Variants in WAC observed in about 807,000 individuals in gnomAD.
WAC encodes WW domain-containing adapter protein with coiled-coil.
Under a neutral mutation model 79.6 loss-of-function variants are expected in WAC, and 11 were observed. That is an observed-to-expected ratio of 0.14 (90% CI 0.09 to 0.23). The LOEUF is 0.23. WAC is among the 10% of genes least tolerant of loss of function. The probability of loss-of-function intolerance (pLI) is 1.00; values close to 1 mark genes in which losing one functional copy is unlikely to be tolerated. For synonymous variants in WAC, 304 were observed against 276.9 expected, an observed-to-expected ratio of 1.10 and a Z score of -0.97; for missense variants, 728 against 773.5, an observed-to-expected ratio of 0.94 and a Z score of 0.70.
chr10:28,538,581 C>CA (rs34777121), intron 3 of WAC, among the ~76,000 whole-genome samples: 22,589 of 98,104 alleles, frequency 0.23, 2,548 homozygotes, highest in Non-Finnish European at 0.28. Flanking sequence ...GACCCTGTCT[C>CA]AAAAAAAAAA....
chr10:28,532,939 G>A (rs1426223515), upstream of WAC: 1 of 153,204 alleles, frequency 6.5e-6, no homozygotes, highest in East Asian at 1.9e-4. Flanking sequence ...GGAAAAGAAG[G>A]AAAGGGCAGA....
chr10:28,613,140 G>A (rs1646108856), intron 10 of WAC, among the ~76,000 whole-genome samples: 1 of 152,176 alleles, frequency 6.6e-6, no homozygotes, highest in Non-Finnish European at 1.5e-5. Context: ...GGCCGAGGCA[G>A]GCAGATCACT....
chr10:28,589,933 AT>A, intron 5 of WAC, 82 bp downstream of exon 5: 1 of 1,077,582 alleles, frequency 9.3e-7, no homozygotes, highest in South Asian at 1.4e-5. Flanking sequence ...AAACATTCTA[AT>A]TTAGCTTTTT....
At chr10:28,571,312 G>A (rs1404599349) in intron 3 of WAC, among the ~76,000 whole-genome samples, 1 of 152,170 alleles carries the variant, frequency 6.6e-6, no homozygotes, top group Non-Finnish European at 1.5e-5. Context: ...AAAGTGAAAA[G>A]TAAATAATTT....
intron 3 of WAC, chr10:28,538,311 A>C: frequency 3.0e-6 from 1 of 334,286 alleles, no homozygotes; most frequent in South Asian, 2.2e-5. Context: ...AGGCCGGGTC[A>C]GTGGCTCACG....
chr10:28,535,541 T>G lies in WAC; in HGVS notation c.79-21T>G, dbSNP rs886741343. ...GGTTTCAATTCTTTCTCTCTTTTTTTGGGGGGGTGATGTTTTACAGGCACT... is the reference window on the plus strand; with the variant it reads ...GGTTTCAATTCTTTCTCTCTTTTTTGGGGGGGGTGATGTTTTACAGGCACT... On this transcript the variant is annotated intron_variant, in intron 2 of 13. Coordinates refer to ENST00000354911, the MANE Select transcript of WAC (RefSeq NM_016628.5). 34 of 1,530,242 alleles carry G rather than the reference T, an allele frequency of 2.2e-5. No homozygotes were observed. The highest frequency in any genetic ancestry group is 1.4e-4 in the African/African-American group (10 of 71,798). 94.8% of individuals were successfully genotyped at this position (1,530,242 alleles called of 1,614,324 possible).
intron 3 of WAC, among the ~76,000 whole-genome samples, chr10:28,540,598 T>C (rs1222439053): frequency 6.6e-6 from 1 of 152,222 alleles, no homozygotes; most frequent in African/African-American, 2.4e-5. Context: ...TCCCTCATAT[T>C]TAAAGACTTG....
At chr10:28,610,948 T>C in intron 9 of WAC, 127 bp downstream of exon 9, 1 of 1,133,290 alleles carries the variant, frequency 8.8e-7, no homozygotes. Context: ...TTAGCTACAA[T>C]AATTTTGTTT....
intron 3 of WAC, among the ~76,000 whole-genome samples, chr10:28,578,749 C>T (rs975620378): frequency 6.6e-6 from 1 of 151,982 alleles, no homozygotes; most frequent in Non-Finnish European, 1.5e-5. Flanking sequence ...TCCTTCTCAC[C>T]CTTAAATTTT....
At chr10:28,579,324 CA>C (rs1839411663) in intron 3 of WAC, among the ~76,000 whole-genome samples, 1 of 151,958 alleles carries the variant, frequency 6.6e-6, no homozygotes, top group East Asian at 1.9e-4. Context: ...GCAATGGAGA[CA>C]ATGCTGTTTA....
intron 3 of WAC, among the ~76,000 whole-genome samples, chr10:28,575,567 A>G (rs1839198452): frequency 6.6e-6 from 1 of 152,192 alleles, no homozygotes; most frequent in Non-Finnish European, 1.5e-5. Context: ...TTTGATTTGC[A>G]TTTCCCCAAT....
intron 3 of WAC, among the ~76,000 whole-genome samples, chr10:28,538,881 AAAAG>A (rs1313040019): frequency 9.2e-5 from 14 of 151,358 alleles, no homozygotes; most frequent in Admixed American, 6.6e-5. Context: ...AAAAAAAAAA[AAAAG>A]AAAAAAATTA....
intron 3 of WAC, among the ~76,000 whole-genome samples, chr10:28,542,470 C>T (rs949847653): frequency 2.6e-5 from 4 of 152,120 alleles, no homozygotes; most frequent in Non-Finnish European, 5.9e-5. Flanking sequence ...AGATAGGAAC[C>T]TAATAAAAAT....
In WAC at chr10:28,565,508, G is replaced by A. The variant is rs1838552829; in HGVS notation, c.275-17891G>A. 2.6e-5 allele frequency among the ~76,000 whole-genome samples: 4 copies of A among 152,148 alleles called. No homozygotes were observed. In the South Asian group the frequency reaches 8.3e-4, roughly 32 times the overall value. ...TTGCCTCAGCCTCTGGAGTAGCTGG[G>A]ACTACAGGTGTGCACCACCCCACCC... On this transcript the variant is annotated intron_variant, in intron 3 of 13. Transcript: ENST00000354911.
At chr10:28,589,528 G>A (rs997925443) in intron 4 of WAC, 16 of 288,124 alleles carry the variant, frequency 5.6e-5, no homozygotes. Context: ...TTTTTATTCT[G>A]CTTAATTTTG....
At chr10:28,536,216 C>A (rs1191915933) in intron 3 of WAC, among the ~76,000 whole-genome samples, 2 of 148,766 alleles carry the variant, frequency 1.3e-5, no homozygotes, top group Non-Finnish European at 3.0e-5. Flanking sequence ...CCACTGCACT[C>A]CAGCCTGGGT....
At chr10:28,592,163 T>A (rs1436403622) in intron 6 of WAC, among the ~76,000 whole-genome samples, 1 of 152,222 alleles carries the variant, frequency 6.6e-6, no homozygotes, top group Non-Finnish European at 1.5e-5. Flanking sequence ...ACATTGAATT[T>A]TGAGATGGAA....
At chr10:28,556,387 A>ATTTTTTTT (rs1837988827) in intron 3 of WAC, among the ~76,000 whole-genome samples, 3 of 29,966 alleles carry the variant, frequency 1.0e-4, no homozygotes, top group East Asian at 1.3e-3. Flanking sequence ...TTGCCCATTA[A>ATTTTTTTT]ATTTTTTTTT....
chr10:28,536,279 T>C (rs1589116592), intron 3 of WAC, among the ~76,000 whole-genome samples: 2 of 150,950 alleles, frequency 1.3e-5, no homozygotes, highest in East Asian at 1.9e-4. Context: ...TAGTGTTTAA[T>C]AATAAGGGAA....
Sources: allele counts gnomAD v4.1 joint callset (sites outside exome capture counted in the v4.1 genomes callset), GRCh38; gene constraint gnomAD v4.1.1; transcripts MANE v1.5; gene names NCBI Gene and HGNC (gene_info 2026-07-23, HGNC 2026-07-21).